The following UNC13B variants were observed in gnomAD, a reference collection of about 807,000 sequenced individuals.
UNC13B encodes the protein protein unc-13 homolog B.
UNC13B carries 144 observed loss-of-function variants against 211.0 expected under a neutral mutation model. The observed-to-expected ratio is 0.68, with a 90% confidence interval of 0.60 to 0.78. The LOEUF is 0.78. Ranked by LOEUF, UNC13B falls within the 30% of genes least tolerant of loss-of-function variation. UNC13B has a pLI of 0.00. For synonymous variants in UNC13B, 709 were observed against 725.8 expected (o/e 0.98, Z 0.37); for missense variants, 1,777 against 2,002.0 (o/e 0.89, Z 2.14).
chr9:35,371,336 T>C (rs1297293111), intron 13 of UNC13B, among the ~76,000 whole-genome samples: 1 of 149,192 alleles, frequency 6.7e-6, no homozygotes, highest in African/African-American at 2.4e-5. Context: ...CCTTTCTCTC[T>C]CTTTCTTTCT....
chr9:35,398,458 C>T (rs1836037480), intron 31 of UNC13B, 96 bp from the exon 32 acceptor site: 8 of 1,396,296 alleles, frequency 5.7e-6, no homozygotes, highest in Non-Finnish European at 8.1e-6. Flanking sequence ...GAGGAATAGG[C>T]ACTGGGGTAA....
intron 11 of UNC13B, among the ~76,000 whole-genome samples, chr9:35,359,925 A>G (rs1208070903): frequency 6.6e-6 from 1 of 152,204 alleles, no homozygotes; most frequent in Non-Finnish European, 1.5e-5. Context: ...TCTCTGCTCA[A>G]TGATTTCCTG....
At chr9:35,262,751 C>G (rs1587495747) in intron 7 of UNC13B, among the ~76,000 whole-genome samples, 1 of 151,978 alleles carries the variant, frequency 6.6e-6, no homozygotes, top group Admixed American at 6.6e-5. Context: ...GGCAACATGG[C>G]AAAACATCAT....
At chr9:35,403,036 T>A (rs1836425818) in intron 37 of UNC13B, 131 bp from the exon 38 acceptor site, 1 of 682,006 alleles carries the variant, frequency 1.5e-6, no homozygotes, top group Non-Finnish European at 2.6e-6. Flanking sequence ...TCCCTTCTCC[T>A]ATTGCTTACT....
intron 7 of UNC13B, among the ~76,000 whole-genome samples, chr9:35,294,780 C>T (rs1351174864): frequency 1.3e-5 from 2 of 152,170 alleles, no homozygotes; most frequent in Admixed American, 1.3e-4. Flanking sequence ...GATACGACTT[C>T]CTCTCTGTAA....
intron 11 of UNC13B, among the ~76,000 whole-genome samples, chr9:35,363,118 G>A (rs1927961): frequency 6.6e-6 from 1 of 152,126 alleles, no homozygotes; most frequent in Admixed American, 6.5e-5. Context: ...CAATTAGATT[G>A]TAGGAATGTA....
rs1829752376 is a variant in UNC13B, at chr9:35,302,836, A to G, written c.3432A>G (p.Gln1144=). 2.5e-6 allele frequency: 1 copy of G among 398,698 alleles called. No homozygotes were observed. The highest frequency in any genetic ancestry group is 6.3e-4 in the Middle Eastern group (1 of 1,588). 24.7% of individuals were successfully genotyped at this position (398,698 alleles called of 1,614,324 possible). Residue 1144 remains glutamine (Q), a synonymous_variant, in exon 9 of 40, where the codon CAA becomes CAG. Coordinates refer to ENST00000635942, the MANE Select transcript of UNC13B (RefSeq NM_001371189.2). ...ATAAGACTTCCAAGAAAAATACCCA[A>G]GGAAGCTTCCTTTCTGGCCTGTTTA... ...VIDKTSKKNT[Q]GSFLSGLFNR... is the part of the protein sequence containing the mutation.
At chr9:35,178,076 C>T (rs1387181577) in intron 1 of UNC13B, among the ~76,000 whole-genome samples, 1 of 152,116 alleles carries the variant, frequency 6.6e-6, no homozygotes, top group Non-Finnish European at 1.5e-5. Flanking sequence ...TAGATTTGGT[C>T]TGTTCTTTGT....
chr9:35,255,283 A>T (rs1460452272), intron 6 of UNC13B, among the ~76,000 whole-genome samples: 2 of 150,694 alleles, frequency 1.3e-5, no homozygotes, highest in African/African-American at 2.4e-5. Context: ...AGATTTATAG[A>T]AATATTGAGC....
At position 35,306,787 on chromosome 9, in the gene UNC13B, T is replaced by G; in HGVS notation, c.7383T>G (p.Phe2461Leu). ...CTTCAGTAGACATGCTTTCAGGGTT[T>G]GTGACCAAAGTGAAATCTTTCTCTG... is the stretch of plus-strand genomic sequence containing the variant. ...LGSSVDMLSG[F>L]VTKVKSFSGS... is the part of the protein sequence containing the mutation. The change falls in exon 9 of 40, where the codon TTT becomes TTG. Residue 2461 changes from phenylalanine to leucine, a missense_variant. By Grantham distance (22) the Phe-to-Leu change is conservative (BLOSUM62 0). Coordinates refer to ENST00000635942, the MANE Select transcript of UNC13B (RefSeq NM_001371189.2). 2.5e-6 allele frequency: 1 copy of G among 399,056 alleles called. No homozygotes were observed. 24.7% of individuals were successfully genotyped at this position (399,056 alleles called of 1,614,324 possible). A position where few individuals can be genotyped will look rare whatever the true frequency, so the allele number is the denominator to read the frequency against.
In UNC13B at chr9:35,374,989, G is replaced by C. The variant is rs1045205570; in HGVS notation, c.9541-138G>C. Reference sequence around the variant, plus strand: ...TGGGACACTTGTCACCTGTTAGGGCGGTTGCTGTGAGTGACAATAAAAATA... The same window carrying C: ...TGGGACACTTGTCACCTGTTAGGGCCGTTGCTGTGAGTGACAATAAAAATA... On this transcript the variant is annotated intron_variant, in intron 13 of 39. Transcript: ENST00000635942. The C allele has an allele frequency of 8.3e-6, 7 of 839,754 alleles. No individual in the cohort carries two copies. In the African/African-American group the frequency reaches 1.2e-4, roughly 14 times the overall value. The allele number at this position is 839,754 out of a possible 1,614,324, so 52.0% of individuals were successfully genotyped here.
At chr9:35,231,751 T>A (rs995834038) in intron 3 of UNC13B, among the ~76,000 whole-genome samples, 7 of 152,290 alleles carry the variant, frequency 4.6e-5, no homozygotes, top group Non-Finnish European at 5.9e-5. Flanking sequence ...TGAATAAATA[T>A]TAGTAGAATT....
intron 11 of UNC13B, among the ~76,000 whole-genome samples, chr9:35,359,328 C>T (rs1451036784): frequency 6.6e-6 from 1 of 152,118 alleles, no homozygotes; most frequent in Non-Finnish European, 1.5e-5. Flanking sequence ...TATCTTTGCT[C>T]TTCCTCTCCC....
In UNC13B at chr9:35,377,092, G is replaced by A. The variant is rs546774616; in HGVS notation, c.9836-376G>A. On this transcript the variant is annotated intron_variant, in intron 15 of 39. Coordinates refer to ENST00000635942, the MANE Select transcript of UNC13B (RefSeq NM_001371189.2). Reference sequence around the variant, plus strand: ...ACCCACAAGTACTTCATTATCCCAAGGACAGCTATGACATATAAAAGGGGA... The same window carrying A: ...ACCCACAAGTACTTCATTATCCCAAAGACAGCTATGACATATAAAAGGGGA... Among the ~76,000 whole-genome samples, 4 of 152,320 alleles carry A rather than the reference G, an allele frequency of 2.6e-5. No homozygotes were observed. In the South Asian group the frequency reaches 6.2e-4, roughly 24 times the overall value.
rs977023764 is a variant in UNC13B at position 35,276,981 on chromosome 9, T to G, written c.526+17931T>G. Reference sequence around the variant, plus strand: ...ATTATCCTTTAGTATAGTTTAGTAATGTACTCAGAAGTTTTTCTTAGATTT... The same window carrying G: ...ATTATCCTTTAGTATAGTTTAGTAAGGTACTCAGAAGTTTTTCTTAGATTT... On this transcript the variant is annotated intron_variant, in intron 7 of 39. Coordinates refer to ENST00000635942, the MANE Select transcript of UNC13B (RefSeq NM_001371189.2). Among the ~76,000 whole-genome samples, 5 of 152,208 alleles carry G rather than the reference T, an allele frequency of 3.3e-5. No homozygotes were observed. The East Asian group carries it at 7.7e-4, about 23-fold the overall frequency.
chr9:35,393,726 C>T (rs1835692668), intron 26 of UNC13B, among the ~76,000 whole-genome samples: 1 of 151,954 alleles, frequency 6.6e-6, no homozygotes, highest in Non-Finnish European at 1.5e-5. Flanking sequence ...CGTGTGCCAC[C>T]ACACCCAGCT....
chr9:35,247,286 A>G (rs1826161187), intron 6 of UNC13B, among the ~76,000 whole-genome samples: 1 of 152,216 alleles, frequency 6.6e-6, no homozygotes, highest in Admixed American at 6.5e-5. Flanking sequence ...ATATACAATC[A>G]TGTCATCTGC....
At chr9:35,339,095 A>T (rs956255780) in intron 11 of UNC13B, among the ~76,000 whole-genome samples, 1 of 152,108 alleles carries the variant, frequency 6.6e-6, no homozygotes, top group Non-Finnish European at 1.5e-5. Flanking sequence ...TTGAGTTTCC[A>T]TCTTGACTCA....
Position 35,352,346 on chromosome 9 carries a change from G to A in UNC13B, c.9415-14601G>A, listed in dbSNP as rs550833155. 3.3e-5 allele frequency: 41 copies of A among 1,232,168 alleles called. No individual in the cohort carries two copies. The African/African-American group carries it at 5.7e-4, about 17-fold the overall frequency. The allele number at this position is 1,232,168 out of a possible 1,614,324, so 76.3% of individuals were successfully genotyped here. On this transcript the variant is annotated intron_variant, in intron 11 of 39. Coordinates refer to ENST00000635942, the MANE Select transcript of UNC13B (RefSeq NM_001371189.2). ...ATCCCCTTCCCCTAGGCCCACTGTT[G>A]TGAAGCTTGCCCATCTAGAGCATAG...
Sources: allele counts gnomAD v4.1 joint callset (sites outside exome capture counted in the v4.1 genomes callset), GRCh38; gene constraint gnomAD v4.1.1; transcripts MANE v1.5; gene names NCBI Gene and HGNC (gene_info 2026-07-23, HGNC 2026-07-21).